SMARCA1: variants seen among roughly 807,000 people sequenced by gnomAD.
SMARCA1 encodes the protein SNF2 related chromatin remodeling ATPase 1.
In SMARCA1, 17 loss-of-function variants were observed where a neutral mutation model predicts 93.6. The ratio of observed to expected loss-of-function variants is 0.18; its 90% CI spans 0.12 to 0.27. The LOEUF is 0.27. SMARCA1 is among the 10% of genes least tolerant of loss of function. The pLI is 1.00. For synonymous variants in SMARCA1, 271 were observed against 271.4 expected, an observed-to-expected ratio of 1.00 and a Z score of 0.01; for missense variants, 630 against 819.0, an observed-to-expected ratio of 0.77 and a Z score of 2.82.
intron 12 of SMARCA1, among the ~76,000 whole-genome samples, chrX:129,496,017 G>A (rs781421800): frequency 1.2e-4 from 13 of 104,540 alleles, no homozygotes; most frequent in Admixed American, 1.1e-4. Context: ...AGCTCTGAAG[G>A]ATCACAGAAA....
At chrX:129,493,205 C>T (rs1440466855) in intron 12 of SMARCA1, 130 bp from the exon 13 acceptor site, 1 of 319,098 alleles carries the variant, frequency 3.1e-6, no homozygotes, top group Admixed American at 5.6e-5. Flanking sequence ...ACTTATAGTA[C>T]ATCCATAGGG....
chrX:129,448,184 A>T, intron 24 of SMARCA1, 149 bp downstream of exon 24: 1 of 538,583 alleles, frequency 1.9e-6, no homozygotes, highest in Non-Finnish European at 3.0e-6. Flanking sequence ...GTTGTGAAGC[A>T]ATTCTTCTTC....
intron 9 of SMARCA1, among the ~76,000 whole-genome samples, chrX:129,501,604 T>A (rs1277649603): frequency 4.7e-5 from 5 of 105,417 alleles, no homozygotes; most frequent in Admixed American, 2.0e-4. Context: ...CCCGCCAAAC[T>A]TTTTTTGGGG....
chrX:129,468,615 T>C (rs1400070940), intron 21 of SMARCA1, among the ~76,000 whole-genome samples, 158 bp downstream of exon 21: 1 of 112,495 alleles, frequency 8.9e-6, no homozygotes, highest in Non-Finnish European at 1.9e-5. Context: ...ATAACCTTTC[T>C]TATAACCTTT....
intron 5 of SMARCA1, among the ~76,000 whole-genome samples, chrX:129,513,977 G>A (rs1050594743): frequency 8.9e-6 from 1 of 112,380 alleles, no homozygotes. Flanking sequence ...TGAGTTATAT[G>A]GATTTAGAAC....
Position 129,453,264 on chromosome X carries a change from C to T in SMARCA1, c.3031-4821G>A, listed in dbSNP as rs191139933. Among the ~76,000 whole-genome samples the T allele has an allele frequency of 6.3e-5, 7 of 111,532 alleles. No individual in the cohort carries two copies. In the East Asian group the frequency reaches 2.0e-3, roughly 31 times the overall value. ...AGCTTAGTGAGGAAGTTGAGACAGG[C>T]CAAAAGCTAGGCCTCTTGAGCTAAA... On this transcript the variant is annotated intron_variant, in intron 23 of 24. Transcript: ENST00000371121.
chrX:129,452,851 A>G (rs182776104), intron 23 of SMARCA1, among the ~76,000 whole-genome samples: 56 of 112,022 alleles, frequency 5.0e-4, no homozygotes, highest in Admixed American at 1.9e-4. Flanking sequence ...CCTACATTGA[A>G]CAAGTCTATT....
chrX:129,491,407 C>A (rs975086447), intron 14 of SMARCA1, among the ~76,000 whole-genome samples: 1 of 110,791 alleles, frequency 9.0e-6, no homozygotes, highest in Non-Finnish European at 1.9e-5. Flanking sequence ...ACTTTGCTCC[C>A]TAAAAAAAAA....
chrX:129,491,818 C>A, intron 14 of SMARCA1, 123 bp downstream of exon 14: 3 of 446,221 alleles, frequency 6.7e-6, no homozygotes. Context: ...GGATAATCTA[C>A]TGTAACTTCT....
chrX:129,486,178 T>C (rs1429596252), intron 17 of SMARCA1, among the ~76,000 whole-genome samples: 1 of 110,298 alleles, frequency 9.1e-6, no homozygotes, highest in African/African-American at 3.3e-5. Flanking sequence ...TGTGGGATAC[T>C]AGATTAGATC....
At chrX:129,448,829 A>G (rs1285781980) in intron 23 of SMARCA1, among the ~76,000 whole-genome samples, 2 of 110,896 alleles carry the variant, frequency 1.8e-5, no homozygotes, top group Admixed American at 9.7e-5. Context: ...AAAATTATAG[A>G]AAGAGAGAAC....
intron 15 of SMARCA1, 44 bp downstream of exon 15, chrX:129,490,016 G>A (rs771922720): frequency 2.7e-5 from 27 of 996,654 alleles, no homozygotes; most frequent in Middle Eastern, 3.3e-4. Flanking sequence ...AAAACTACAT[G>A]TGTTTTACAA....
chrX:129,450,040 C>G (rs1460540422), intron 23 of SMARCA1, among the ~76,000 whole-genome samples: 1 of 112,715 alleles, frequency 8.9e-6, no homozygotes, highest in Non-Finnish European at 1.9e-5. Context: ...ATGCTACTAT[C>G]TGCTATGGAC....
chrX:129,497,516 C>T lies in SMARCA1; in HGVS notation c.1504+329G>A, dbSNP rs1051225182. 2.7e-5 allele frequency among the ~76,000 whole-genome samples: 3 copies of T among 111,722 alleles called. No individual in the cohort carries two copies. In the Admixed American group the frequency reaches 2.9e-4, roughly 11 times the overall value. ...CCTGGAAAACCCTTCCCCTCCTTTT[C>T]CCCATGGTTCACTCCTACACATTGT... On this transcript the variant is annotated intron_variant, in intron 11 of 24. Coordinates refer to ENST00000371121, the MANE Select transcript of SMARCA1 (RefSeq NM_001282874.2).
rs1391973186 is a variant in SMARCA1 at position 129,450,198 on chromosome X, A to G, written c.3031-1755T>C. Among the ~76,000 whole-genome samples, 3 of 111,946 alleles carry G rather than the reference A, an allele frequency of 2.7e-5. No individual in the cohort carries two copies. The Admixed American group carries it at 2.8e-4, about 11-fold the overall frequency. Reference sequence around the variant, plus strand: ...GGTCCTATGGATGGAGCCCTAATCCAATAGGACTGGTGTCCTTGTAAGAAG... The same window carrying G: ...GGTCCTATGGATGGAGCCCTAATCCGATAGGACTGGTGTCCTTGTAAGAAG... On this transcript the variant is annotated intron_variant, in intron 23 of 24. Transcript: ENST00000371121.
At chrX:129,517,568 G>A (rs189599556) in intron 2 of SMARCA1, among the ~76,000 whole-genome samples, 46 of 110,560 alleles carry the variant, frequency 4.2e-4, no homozygotes, top group Non-Finnish European at 8.0e-4. Context: ...TTAAAACATT[G>A]CCTACCTACA....
At chrX:129,515,663 T>C (rs772685035) in intron 5 of SMARCA1, 24 bp downstream of exon 5, 1 of 1,006,328 alleles carries the variant, frequency 9.9e-7, no homozygotes. Context: ...ACTGAGAATG[T>C]GTTTTTAGCT....
intron 10 of SMARCA1, 141 bp downstream of exon 10, chrX:129,499,590 CT>C: frequency 3.0e-6 from 1 of 334,548 alleles, no homozygotes; most frequent in Admixed American, 4.5e-5. Flanking sequence ...CAAATTTTCT[CT>C]GAAAATATCT....
chrX:129,512,088 G>A (rs966020257), intron 5 of SMARCA1, 105 bp from the exon 6 acceptor site: 3 of 582,634 alleles, frequency 5.1e-6, no homozygotes, highest in African/African-American at 4.6e-5. Flanking sequence ...ATCTCGCAAA[G>A]GCAATTATGT....
Sources: gnomAD v4.1 joint callset for allele counts (sites outside exome capture counted in the v4.1 genomes callset) on GRCh38, gnomAD v4.1.1 for gene constraint, MANE v1.5 for transcripts, NCBI Gene and HGNC (gene_info 2026-07-23, HGNC 2026-07-21) for gene names.